The following NKAPD1 variants were observed in gnomAD, a reference collection of about 807,000 sequenced individuals.
NKAPD1 encodes NKAP domain containing 1.
NKAPD1 carries 12 observed loss-of-function variants against 30.9 expected under a neutral mutation model. The observed-to-expected ratio is 0.39, with a 90% CI of 0.25 to 0.63. The LOEUF is 0.63. NKAPD1 is among the 20% of genes least tolerant of loss of function. The pLI is 0.51. For missense variants in NKAPD1, 311 were observed against 344.5 expected, an observed-to-expected ratio of 0.90 and a Z score of 0.77; for synonymous variants, 91 against 113.6, an observed-to-expected ratio of 0.80 and a Z score of 1.26.
Position 112,075,627 on chromosome 11 carries a change from C to G in NKAPD1, c.53C>G (p.Thr18Arg). Residue 18 changes from threonine to arginine, a missense_variant, in exon 2 of 6, where the codon ACA becomes AGA. Coordinates refer to ENST00000393047, the MANE Select transcript of NKAPD1 (RefSeq NM_018195.4). ...KVLLRNVIRHTDAHNKIQEES... is the reference protein window; with the variant it reads ...KVLLRNVIRHRDAHNKIQEES... ...CTCCTGAGGAATGTCATCCGGCACA[C>G]AGATGCTCACAATAAGGTGGGAGGT... 6.2e-7 allele frequency: 1 copy of G among 1,608,040 alleles called. No homozygotes were observed. The highest frequency in any genetic ancestry group is 1.3e-5 in the African/African-American group (1 of 74,432).
intron 3 of NKAPD1, among the ~76,000 whole-genome samples, chr11:112,079,582 T>C (rs115824211): frequency 6.6e-6 from 1 of 152,196 alleles, no homozygotes; most frequent in Non-Finnish European, 1.5e-5. Context: ...CCCACTGTTA[T>C]TGGGACCTCT....
chr11:112,075,697 C>T, intron 2 of NKAPD1, 54 bp downstream of exon 2: 1 of 1,562,998 alleles, frequency 6.4e-7, no homozygotes, highest in Non-Finnish European at 8.7e-7. Context: ...AAGCAGTGTG[C>T]CAAGCATTAT....
In NKAPD1 at chr11:112,078,261, A is replaced by C. The variant is rs369506858; in HGVS notation, c.116A>C (p.Gln39Pro). Residue 39 changes from glutamine to proline, a missense_variant, in exon 3 of 6, where the codon CAG becomes CCG. Coordinates refer to ENST00000393047, the MANE Select transcript of NKAPD1 (RefSeq NM_018195.4). ...DMWKIRELEKQMEDAYRGTKR... is the reference protein window; with the variant it reads ...DMWKIRELEKPMEDAYRGTKR... ...TGGAAAATAAGAGAACTGGAAAAACAGATGGAAGATGCTTACCGGGGGACC... is the reference window on the plus strand; with the variant it reads ...TGGAAAATAAGAGAACTGGAAAAACCGATGGAAGATGCTTACCGGGGGACC... 8.1e-6 allele frequency: 13 copies of C among 1,613,344 alleles called. No homozygotes were observed. The highest frequency in any genetic ancestry group is 1.1e-5 in the Non-Finnish European group (13 of 1,179,566).
intron 5 of NKAPD1, 137 bp downstream of exon 5, chr11:112,082,172 G>T: frequency 3.8e-6 from 3 of 786,710 alleles, no homozygotes; most frequent in Non-Finnish European, 6.0e-6. Context: ...TAGTTAGGAG[G>T]TGATCCCTGT....
chr11:112,080,462 C>T lies in NKAPD1; in HGVS notation c.224C>T (p.Pro75Leu). Reference sequence around the variant, plus strand: ...GAAAGTCAAAGATACTATTGGAGGCCAAAGAATGAAATTTCTGGGACACTG... The same window carrying T: ...GAAAGTCAAAGATACTATTGGAGGCTAAAGAATGAAATTTCTGGGACACTG... ...DEESQRYYWR[P>L]KNEISGTLED... The change falls in exon 4 of 6, where the codon CCA (proline) becomes CTA (leucine). Residue 75 changes from proline to leucine, a missense_variant. Coordinates refer to ENST00000393047, the MANE Select transcript of NKAPD1 (RefSeq NM_018195.4). 1 of 1,613,892 alleles carries T rather than the reference C, an allele frequency of 6.2e-7. No individual in the cohort carries two copies. The highest frequency in any genetic ancestry group is 1.1e-5 in the South Asian group (1 of 91,068).
chr11:112,077,685 A>AC, intron 2 of NKAPD1, among the ~76,000 whole-genome samples: 1 of 152,332 alleles, frequency 6.6e-6, no homozygotes, highest in Non-Finnish European at 1.5e-5. Context: ...GCAGCGGTTT[A>AC]AAAATTCTAT....
intron 5 of NKAPD1, 81 bp from the exon 6 acceptor site, chr11:112,082,381 ATTT>A: frequency 8.1e-7 from 1 of 1,232,076 alleles, no homozygotes; most frequent in South Asian, 1.9e-5. Context: ...GTTAACCTCA[ATTT>A]TTTAATCTAG....
chr11:112,078,102 C>G (rs1865369287), intron 2 of NKAPD1, 113 bp from the exon 3 acceptor site: 3 of 726,794 alleles, frequency 4.1e-6, no homozygotes, highest in Non-Finnish European at 6.7e-6. Flanking sequence ...CTTTGGCCTC[C>G]CAAAGTGCTG....
At position 112,082,509 on chromosome 11, in the gene NKAPD1, A is replaced by G; in HGVS notation, c.419A>G (p.Gln140Arg). Residue 140 changes from glutamine (Q) to arginine (R), a missense_variant, in exon 6 of 6, where the codon CAG becomes CGG. By Grantham distance (43) the Gln-to-Arg change is conservative. Coordinates refer to ENST00000393047, the MANE Select transcript of NKAPD1 (RefSeq NM_018195.4). ...ACCAACGGGAAGAAAACATCTCCCC[A>G]GGTAAAGTCATCTACCCATGAATCC... ...DITNGKKTSP[Q>R]VKSSTHESRK... The G allele has an allele frequency of 6.2e-7, 1 of 1,600,386 alleles. No homozygotes were observed. Among genetic ancestry groups the G allele is most frequent in the East Asian group, 2.2e-5 (1 of 44,822 alleles).
chr11:112,075,495 T>C (rs920211981), intron 1 of NKAPD1, 72 bp from the exon 2 acceptor site: 1 of 1,183,170 alleles, frequency 8.5e-7, no homozygotes, highest in Admixed American at 2.2e-5. Context: ...ATATGCTTCT[T>C]TATAAAACTT....
Position 112,082,996 on chromosome 11 carries a change from CAT to C in NKAPD1, c.*25_*26del, listed in dbSNP as rs770552419. 28 of 1,569,232 alleles carry C rather than the reference CAT, an allele frequency of 1.8e-5. No individual in the cohort carries two copies. Among genetic ancestry groups the C allele is most frequent in the Middle Eastern group, 1.7e-4 (1 of 5,830 alleles). On this transcript the variant is annotated 3_prime_UTR_variant, in exon 6 of 6. Coordinates refer to ENST00000393047, the MANE Select transcript of NKAPD1 (RefSeq NM_018195.4). ...AAATGGGAAACACTTTTGTTTTCCA[CAT>C]GACTGTGGATATTTACAGTTCTTAC...
At chr11:112,076,253 G>C (rs1865328918) in intron 2 of NKAPD1, among the ~76,000 whole-genome samples, 1 of 152,152 alleles carries the variant, frequency 6.6e-6, no homozygotes, top group Non-Finnish European at 1.5e-5. Context: ...CAGCTGGGTA[G>C]GGAATGAATC....
chr11:112,075,832 TA>T (rs1865318668), intron 2 of NKAPD1, 189 bp downstream of exon 2: 4 of 584,870 alleles, frequency 6.8e-6, no homozygotes, highest in Admixed American at 7.4e-5. Flanking sequence ...AAGTACTGTA[TA>T]ACAGAGATAT....
At chr11:112,075,544 C>G (rs775374025) in intron 1 of NKAPD1, 23 bp from the exon 2 acceptor site, 1 of 1,537,714 alleles carries the variant, frequency 6.5e-7, no homozygotes, top group South Asian at 1.1e-5. Flanking sequence ...TATTACTAAA[C>G]GTTATTTGTT....
Position 112,082,539 on chromosome 11 carries a change from A to G in NKAPD1, c.449A>G (p.Lys150Arg), listed in dbSNP as rs754483019. Residue 150 changes from lysine to arginine, a missense_variant, in exon 6 of 6, where the codon AAA becomes AGA. Physicochemically the swap from Lys to Arg is conservative, Grantham distance 26. Coordinates refer to ENST00000393047, the MANE Select transcript of NKAPD1 (RefSeq NM_018195.4). ...QVKSSTHESR[K>R]HKKSKKSHKK... Reference sequence around the variant, plus strand: ...AAGTCATCTACCCATGAATCCCGCAAACACAAGAAGTCAAAGAAATCCCAC... The same window carrying G: ...AAGTCATCTACCCATGAATCCCGCAGACACAAGAAGTCAAAGAAATCCCAC... 6.2e-7 allele frequency: 1 copy of G among 1,611,546 alleles called. No homozygotes were observed. The highest frequency in any genetic ancestry group is 1.7e-5 in the Admixed American group (1 of 59,290).
At position 112,075,555 on chromosome 11, in the gene NKAPD1, G is replaced by T. The variant is rs200297042; in HGVS notation, c.-8-12G>T. 1.0e-3 allele frequency: 1,638 copies of T among 1,577,166 alleles called. 21 individuals are homozygous for T. The South Asian group carries it at 0.015, about 15-fold the overall frequency. On this transcript the variant is annotated splice_polypyrimidine_tract_variant and intron_variant, in intron 1 of 5. Coordinates refer to ENST00000393047, the MANE Select transcript of NKAPD1 (RefSeq NM_018195.4). The stretch of plus-strand genomic sequence containing the variant: ...AAATTATTACTAAACGTTATTTGTT[G>T]ATTCATTTCAGATTGAAGAATGTCC...
chr11:112,082,070 T>A, intron 5 of NKAPD1, 35 bp downstream of exon 5: 1 of 1,515,036 alleles, frequency 6.6e-7, no homozygotes, highest in Non-Finnish European at 9.1e-7. Flanking sequence ...GAAACTAAGA[T>A]GGTACAAAAT....
At position 112,074,362 on chromosome 11, in the gene NKAPD1, T is replaced by C. The variant is rs150668153; in HGVS notation, c.-563T>C. 1.8e-3 allele frequency: 735 copies of C among 399,100 alleles called. 5 individuals are homozygous for C. Among genetic ancestry groups the C allele is most frequent in the African/African-American group, 0.014 (685 of 48,714 alleles). 24.7% of individuals were successfully genotyped at this position (399,100 alleles called of 1,614,324 possible). On this transcript the variant is annotated 5_prime_UTR_variant, in exon 1 of 6. It removes an upstream start codon present in the reference 5' UTR. Transcript: ENST00000393047. ...CCACGCGAGGCTGCGGCGCACGGTA[T>C]GGGTGTGTTTGTGTGTATTTGTGTG...
chr11:112,082,716 A>G lies in NKAPD1; in HGVS notation c.626A>G (p.Lys209Arg). 6.2e-7 allele frequency: 1 copy of G among 1,614,070 alleles called. No homozygotes were observed. Among genetic ancestry groups the G allele is most frequent in the Non-Finnish European group, 8.5e-7 (1 of 1,180,026 alleles). ...AAACAACCACATAAACGCAAGAAAA[A>G]ATCCAGGAAAAAGTCTCTCAAAAAA... ...KGKQPHKRKK[K>R]SRKKSLKKPA... The change falls in exon 6 of 6, where the codon AAA (lysine) becomes AGA (arginine). Residue 209 changes from lysine to arginine, a missense_variant. Transcript: ENST00000393047.
Sources: gnomAD v4.1 joint callset for allele counts (sites outside exome capture counted in the v4.1 genomes callset) on GRCh38, gnomAD v4.1.1 for gene constraint, MANE v1.5 for transcripts, NCBI Gene and HGNC (gene_info 2026-07-23, HGNC 2026-07-21) for gene names.